The following ACSS3 variants were observed in gnomAD, a reference collection of about 807,000 sequenced individuals.
ACSS3 encodes acyl-CoA synthetase short chain family member 3, also known as acyl-CoA synthetase short-chain family member 3, mitochondrial.
ACSS3 carries 64 observed loss-of-function variants against 84.2 expected under a neutral mutation model. That is an observed-to-expected ratio of 0.76 (90% confidence interval 0.62 to 0.94). The LOEUF (loss-of-function observed/expected upper bound fraction) is 0.94. Ranked by LOEUF, ACSS3 falls within the 40% of genes least tolerant of loss-of-function variation. The pLI, the probability that ACSS3 is intolerant of heterozygous loss-of-function variation, is 0.00. For synonymous variants in ACSS3, 317 were observed against 310.1 expected (o/e 1.02, Z -0.23); for missense variants, 815 against 867.6 (o/e 0.94, Z 0.76).
At chr12:81,156,919 A>G (rs976959441) in intron 7 of ACSS3, among the ~76,000 whole-genome samples, 3 of 152,184 alleles carry the variant, frequency 2.0e-5, no homozygotes, top group Non-Finnish European at 4.4e-5. Flanking sequence ...GCCATCTACT[A>G]ATGTTTAAGG....
intron 7 of ACSS3, among the ~76,000 whole-genome samples, chr12:81,163,745 T>G (rs1436140697): frequency 6.6e-6 from 1 of 152,158 alleles, no homozygotes; most frequent in Non-Finnish European, 1.5e-5. Context: ...TGTTTGTGTC[T>G]TAGTTTTTAA....
At chr12:81,247,066 A>G (rs1411221464) in intron 13 of ACSS3, among the ~76,000 whole-genome samples, 2 of 151,468 alleles carry the variant, frequency 1.3e-5, no homozygotes, top group East Asian at 3.9e-4. Flanking sequence ...GGAACTTTAT[A>G]TTTTAGAACA....
intron 9 of ACSS3, among the ~76,000 whole-genome samples, chr12:81,213,840 T>TCTCTTCTCTG (rs1372554843): frequency 3.9e-5 from 1 of 25,880 alleles, no homozygotes; most frequent in African/African-American, 9.5e-5. Context: ...TCTCTTCTCT[T>TCTCTTCTCTG]CTCTCCTCTC....
At chr12:81,103,644 C>G (rs1882715586) in intron 1 of ACSS3, among the ~76,000 whole-genome samples, 1 of 151,930 alleles carries the variant, frequency 6.6e-6, no homozygotes, top group African/African-American at 2.4e-5. Context: ...CCTACAGAAC[C>G]TACCTCATTT....
chr12:81,078,520 T>C (rs1880767445), intron 1 of ACSS3, 89 bp downstream of exon 1: 3 of 1,430,132 alleles, frequency 2.1e-6, no homozygotes, highest in Non-Finnish European at 9.5e-7. Flanking sequence ...TCTGGCATTC[T>C]ATCACGAAAG....
chr12:81,174,981 A>C (rs1565704701), intron 8 of ACSS3, 42 bp downstream of exon 8: 2 of 1,590,380 alleles, frequency 1.3e-6, no homozygotes, highest in Non-Finnish European at 1.7e-6. Context: ...TAGAAAGTGC[A>C]ATCAAAATGA....
intron 2 of ACSS3, chr12:81,125,957 A>C (rs557388230): frequency 8.5e-5 from 13 of 152,312 alleles, no homozygotes; most frequent in African/African-American, 3.1e-4. Flanking sequence ...TACATTAATG[A>C]TTCTAGTTTA....
intron 11 of ACSS3, among the ~76,000 whole-genome samples, chr12:81,228,910 A>T (rs2033361290): frequency 6.6e-6 from 1 of 151,634 alleles, no homozygotes; most frequent in Admixed American, 6.6e-5. Flanking sequence ...TTTAATATAT[A>T]TTTTTTGATA....
chr12:81,111,962 T>C (rs1290944884), intron 2 of ACSS3, among the ~76,000 whole-genome samples: 4 of 152,162 alleles, frequency 2.6e-5, no homozygotes, highest in African/African-American at 4.8e-5. Flanking sequence ...GTATTTTTTA[T>C]TGGTCTGTAA....
chr12:81,079,660 C>T (rs1880847596), intron 1 of ACSS3, among the ~76,000 whole-genome samples: 2 of 152,108 alleles, frequency 1.3e-5, no homozygotes, highest in Non-Finnish European at 2.9e-5. Flanking sequence ...GTGAACAAGA[C>T]ACTGGGTGTT....
At chr12:81,105,193 G>A (rs1413654975) in intron 1 of ACSS3, among the ~76,000 whole-genome samples, 1 of 152,130 alleles carries the variant, frequency 6.6e-6, no homozygotes, top group African/African-American at 2.4e-5. Flanking sequence ...TTTTAAAGCG[G>A]CCATCATAAA....
At chr12:81,185,244 T>C (rs2031185791) in intron 8 of ACSS3, among the ~76,000 whole-genome samples, 1 of 151,692 alleles carries the variant, frequency 6.6e-6, no homozygotes, top group Non-Finnish European at 1.5e-5. Context: ...ACAGCTAACA[T>C]TATAATCACT....
intron 12 of ACSS3, among the ~76,000 whole-genome samples, chr12:81,233,008 A>G (rs1331962648): frequency 6.6e-6 from 1 of 151,734 alleles, no homozygotes; most frequent in African/African-American, 2.4e-5. Flanking sequence ...GAAGAAATGT[A>G]TCAAAGAATT....
Position 81,219,948 on chromosome 12 carries a change from A to G in ACSS3, c.1451-65A>G, listed in dbSNP as rs1289533615. The G allele has an allele frequency of 1.1e-5, 12 of 1,126,528 alleles. No individual in the cohort carries two copies. In the Admixed American group the frequency reaches 1.2e-4, roughly 11 times the overall value. 69.8% of individuals were successfully genotyped at this position (1,126,528 alleles called of 1,614,324 possible). ...AGCTTTTTGGGTTGAATATAAAAAT[A>G]TAGAAAAATGTTTAAGCTTTAAGAT... is the stretch of plus-strand genomic sequence containing the variant. On this transcript the variant is annotated intron_variant, in intron 10 of 15. Coordinates refer to ENST00000548058, the MANE Select transcript of ACSS3 (RefSeq NM_024560.4).
chr12:81,116,627 G>T (rs1007315994), intron 2 of ACSS3, among the ~76,000 whole-genome samples: 1 of 151,934 alleles, frequency 6.6e-6, no homozygotes, highest in East Asian at 1.9e-4. Flanking sequence ...AGTTATTAGG[G>T]TACCTACATG....
chr12:81,196,564 C>A (rs1184923220), intron 8 of ACSS3, among the ~76,000 whole-genome samples: 1 of 151,932 alleles, frequency 6.6e-6, no homozygotes, highest in Non-Finnish European at 1.5e-5. Context: ...TTCCATTGGA[C>A]CATGCCAATT....
At chr12:81,105,779 T>C (rs1882940273) in intron 1 of ACSS3, among the ~76,000 whole-genome samples, 1 of 152,208 alleles carries the variant, frequency 6.6e-6, no homozygotes, top group Non-Finnish European at 1.5e-5. Context: ...TAAGATTCTT[T>C]TTAAAGAGTC....
chr12:81,213,570 T>C (rs1419216262), intron 9 of ACSS3, among the ~76,000 whole-genome samples: 10 of 56,120 alleles, frequency 1.8e-4, no homozygotes, highest in African/African-American at 4.9e-4. Flanking sequence ...TCCTCTCCTC[T>C]CCTCTCCTCT....
chr12:81,209,493 T>C lies in ACSS3; in HGVS notation c.1355-7408T>C, dbSNP rs181499268. ...AGAAATCAGCCAGGGATTCTGGTGCTCCAAGTCTCCAAGTATTGTTGACTA... is the reference window on the plus strand; with the variant it reads ...AGAAATCAGCCAGGGATTCTGGTGCCCCAAGTCTCCAAGTATTGTTGACTA... On this transcript the variant is annotated intron_variant, in intron 9 of 15. Coordinates refer to ENST00000548058, the MANE Select transcript of ACSS3 (RefSeq NM_024560.4). Among the ~76,000 whole-genome samples, 772 of 152,046 alleles carry C rather than the reference T, an allele frequency of 5.1e-3. 2 individuals carry two copies. The highest frequency in any genetic ancestry group is 8.3e-3 in the Admixed American group (126 of 15,266).
Sources: gnomAD v4.1 joint callset for allele counts (sites outside exome capture counted in the v4.1 genomes callset) on GRCh38, gnomAD v4.1.1 for gene constraint, MANE v1.5 for transcripts, NCBI Gene and HGNC (gene_info 2026-07-23, HGNC 2026-07-21) for gene names.